TBL1X: variants seen among roughly 807,000 people sequenced by gnomAD.
The protein encoded by TBL1X is transducin beta like 1 X-linked.
Under a neutral mutation model 50.7 loss-of-function variants are expected in TBL1X, and 10 were observed. The observed-to-expected ratio is 0.20, with a 90% CI of 0.12 to 0.33. The LOEUF (loss-of-function observed/expected upper bound fraction) is 0.33. Ranked by LOEUF, TBL1X falls within the 10% of genes least tolerant of loss-of-function variation. TBL1X has a pLI of 1.00. For synonymous variants in TBL1X, 190 were observed against 214.7 expected (o/e 0.88, Z 1.01); for missense variants, 340 against 504.4 (o/e 0.67, Z 3.12).
At chrX:9,601,227 T>A (rs913563373) in intron 2 of TBL1X, among the ~76,000 whole-genome samples, 1 of 110,995 alleles carries the variant, frequency 9.0e-6, no homozygotes, top group Admixed American at 9.6e-5. Context: ...GTTGGGCCAG[T>A]GTAGACATCT....
At chrX:9,690,408 T>C (rs1005787129) in intron 7 of TBL1X, among the ~76,000 whole-genome samples, 3 of 111,612 alleles carry the variant, frequency 2.7e-5, no homozygotes, top group Non-Finnish European at 5.6e-5. Context: ...AGAGACTGTC[T>C]TCTCTCCATG....
intron 6 of TBL1X, 36 bp from the exon 7 acceptor site, chrX:9,687,981 G>A (rs1033750473): frequency 6.8e-6 from 8 of 1,178,318 alleles, no homozygotes; most frequent in Admixed American, 2.3e-5. Flanking sequence ...CCTCACCCCC[G>A]TGAGCTGACA....
intron 2 of TBL1X, among the ~76,000 whole-genome samples, chrX:9,533,074 G>T (rs932060502): frequency 8.9e-6 from 1 of 111,804 alleles, no homozygotes; most frequent in Non-Finnish European, 1.9e-5. Context: ...GCAAAATTCT[G>T]AATGTATTAA....
intron 2 of TBL1X, among the ~76,000 whole-genome samples, chrX:9,634,238 C>A (rs1321290567): frequency 9.0e-6 from 1 of 110,712 alleles, no homozygotes; most frequent in African/African-American, 3.3e-5. Context: ...AGCATTCACA[C>A]CCCAGCTCCA....
intron 11 of TBL1X, among the ~76,000 whole-genome samples, chrX:9,696,039 G>A (rs2083129529): frequency 8.9e-6 from 1 of 112,379 alleles, no homozygotes; most frequent in Non-Finnish European, 1.9e-5. Flanking sequence ...CTTAGGGGAT[G>A]CTGGTGTTGA....
At chrX:9,658,563 T>C (rs183237289) in intron 5 of TBL1X, among the ~76,000 whole-genome samples, 1 of 111,227 alleles carries the variant, frequency 9.0e-6, no homozygotes, top group African/African-American at 3.3e-5. Flanking sequence ...GGCAAGTGAG[T>C]CCCTGTAAAC....
At chrX:9,490,082 C>T (rs2081932950) in intron 1 of TBL1X, among the ~76,000 whole-genome samples, 1 of 111,450 alleles carries the variant, frequency 9.0e-6, no homozygotes, top group Admixed American at 9.5e-5. Flanking sequence ...CCTCCCGCCT[C>T]AGCCTCCCAA....
chrX:9,701,543 C>A (rs2083171745), intron 12 of TBL1X, among the ~76,000 whole-genome samples: 1 of 72,295 alleles, frequency 1.4e-5, no homozygotes, highest in Admixed American at 1.9e-4. Flanking sequence ...ATAAAATACG[C>A]TAACACTAAC....
chrX:9,632,488 C>T lies in TBL1X; in HGVS notation c.-130-7785C>T, dbSNP rs541429537. The stretch of plus-strand genomic sequence containing the variant: ...AGTAGAGATGGGATTTCGCTATGTT[C>T]GCCAGGCTGGTCTCGGACTCCTGGC... On this transcript the variant is annotated intron_variant, in intron 2 of 17. Transcript: ENST00000645353. 6.3e-5 allele frequency among the ~76,000 whole-genome samples: 7 copies of T among 111,208 alleles called. No homozygotes were observed. In the Middle Eastern group the frequency reaches 0.014, roughly 219 times the overall value.
At chrX:9,646,031 T>G (rs2082802573) in intron 3 of TBL1X, among the ~76,000 whole-genome samples, 1 of 112,759 alleles carries the variant, frequency 8.9e-6, no homozygotes, top group African/African-American at 3.2e-5. Context: ...CCCTAAGCCT[T>G]TATTTGTTAA....
At chrX:9,568,527 G>A (rs1306050225) in intron 2 of TBL1X, among the ~76,000 whole-genome samples, 1 of 111,216 alleles carries the variant, frequency 9.0e-6, no homozygotes, top group Admixed American at 9.6e-5. Flanking sequence ...TGTACTGTGT[G>A]TGTTGTGTCT....
intron 2 of TBL1X, among the ~76,000 whole-genome samples, chrX:9,607,726 T>C (rs1777132491): frequency 1.8e-5 from 2 of 112,593 alleles, no homozygotes; most frequent in African/African-American, 6.5e-5. Flanking sequence ...AGGGAGAAAA[T>C]AGCTGAAAAT....
At chrX:9,553,365 C>A (rs775292435) in intron 2 of TBL1X, among the ~76,000 whole-genome samples, 1 of 111,876 alleles carries the variant, frequency 8.9e-6, no homozygotes, top group South Asian at 3.8e-4. Context: ...GAATCGAATT[C>A]TCCCCTGAAG....
At chrX:9,702,202 A>G (rs1391460623) in intron 12 of TBL1X, among the ~76,000 whole-genome samples, 1 of 110,941 alleles carries the variant, frequency 9.0e-6, no homozygotes, top group Non-Finnish European at 1.9e-5. Context: ...TTGGGAGGCC[A>G]AGGTGGGAGA....
At chrX:9,673,867 G>A (rs1382880147) in intron 5 of TBL1X, among the ~76,000 whole-genome samples, 1 of 111,575 alleles carries the variant, frequency 9.0e-6, no homozygotes, top group Non-Finnish European at 1.9e-5. Context: ...AGGAGTTTGA[G>A]ACCAGCCTGT....
intron 2 of TBL1X, among the ~76,000 whole-genome samples, chrX:9,521,777 G>A (rs2146966388): frequency 9.0e-6 from 1 of 111,223 alleles, no homozygotes; most frequent in East Asian, 2.8e-4. Flanking sequence ...TGTTGTTCAA[G>A]GGTCAGTTAT....
chrX:9,669,537 A>C (rs1004479456), intron 5 of TBL1X, among the ~76,000 whole-genome samples: 4 of 111,760 alleles, frequency 3.6e-5, no homozygotes, highest in African/African-American at 1.3e-4. Flanking sequence ...GGTCCAGTCT[A>C]CAAAGGCTTC....
At chrX:9,655,997 C>CA (rs1163758092) in intron 5 of TBL1X, among the ~76,000 whole-genome samples, 1 of 112,985 alleles carries the variant, frequency 8.9e-6, no homozygotes, top group Non-Finnish European at 1.9e-5. Context: ...TAGTGTTATT[C>CA]ATGGAAAGTA....
chrX:9,640,700 G>A (rs752265142), intron 3 of TBL1X, among the ~76,000 whole-genome samples: 18 of 110,910 alleles, frequency 1.6e-4, no homozygotes, highest in Non-Finnish European at 3.0e-4. Context: ...GTGCAATCTC[G>A]GCTCACTGCA....
Sources: gnomAD v4.1 joint callset for allele counts (sites outside exome capture counted in the v4.1 genomes callset) on GRCh38, gnomAD v4.1.1 for gene constraint, MANE v1.5 for transcripts, NCBI Gene and HGNC (gene_info 2026-07-23, HGNC 2026-07-21) for gene names.